The following DMRT2 variants were observed in gnomAD, a reference collection of about 807,000 sequenced individuals.
The protein encoded by DMRT2 is doublesex and mab-3 related transcription factor 2.
Under a neutral mutation model 43.5 loss-of-function variants are expected in DMRT2, and 33 were observed. The observed-to-expected ratio is 0.76, with a 90% CI of 0.58 to 1.01. The LOEUF (loss-of-function observed/expected upper bound fraction) is 1.01, where lower values mean the gene tolerates loss of function less well. DMRT2 is among the 50% of genes least tolerant of loss of function. The pLI is 0.00. For synonymous variants in DMRT2, 395 were observed against 309.2 expected (o/e 1.28, Z -2.91); for missense variants, 1,064 against 748.0 (o/e 1.42, Z -4.93).
In DMRT2 at chr9:1,052,102, C is replaced by T; in HGVS notation, c.489C>T (p.Ala163=). 1 of 1,437,786 alleles carries T rather than the reference C, an allele frequency of 7.0e-7. No individual in the cohort carries two copies. The highest frequency in any genetic ancestry group is 9.1e-7 in the Non-Finnish European group (1 of 1,102,200). 89.1% of individuals were successfully genotyped at this position (1,437,786 alleles called of 1,614,324 possible). A position where few individuals can be genotyped will look rare whatever the true frequency, so the allele number is the denominator to read the frequency against. The part of the protein sequence containing the change: ...LLVVERQRVM[A]AQVALRRQQA... ...TGGTGGAGCGGCAGCGCGTCATGGC[C>T]GCCCAGGTGGCGCTCCGGAGGCAGC... The change falls in exon 2 of 4, where the codon GCC becomes GCT. Residue 163 remains alanine, a synonymous_variant. Transcript: ENST00000358146.
rs1821565116 is a variant in DMRT2 at position 1,051,424 on chromosome 9, G to T, written c.-44-146G>T. On this transcript the variant is annotated intron_variant, in intron 1 of 3. Coordinates refer to ENST00000358146, the MANE Select transcript of DMRT2 (RefSeq NM_181872.6). The surrounding 1 kb of genome is among the most constrained non-coding windows in gnomAD (Gnocchi z 5.9). ...GGCCCTGGAGATACAGGAAAGGCACGTGTGGCCTGGAAGTGAGGGACATGT... is the reference window on the plus strand; with the variant it reads ...GGCCCTGGAGATACAGGAAAGGCACTTGTGGCCTGGAAGTGAGGGACATGT... The T allele has an allele frequency of 1.1e-6, 1 of 913,816 alleles. No homozygotes were observed. The highest frequency in any genetic ancestry group is 1.5e-6 in the Non-Finnish European group (1 of 665,652). The allele number at this position is 913,816 out of a possible 1,614,324, so 56.6% of individuals were successfully genotyped here. A position where few individuals can be genotyped will look rare whatever the true frequency, so the allele number is the denominator to read the frequency against.
At chr9:1,056,177 A>G (rs1352431143) in intron 3 of DMRT2, 39 bp from the exon 4 acceptor site, 9 of 1,556,916 alleles carry the variant, frequency 5.8e-6, no homozygotes, top group Non-Finnish European at 7.8e-6. Flanking sequence ...TATTCCGTAG[A>G]TGTTAATCTC....
In DMRT2 at chr9:1,051,849, A is replaced by T; in HGVS notation, c.236A>T (p.Glu79Val). Reference sequence around the variant, plus strand: ...TCCCCCGGGATGCCCGGCCAGCCGGAGCAGCGGGGGGGACCGCAGCCGAGG... The same window carrying T: ...TCCCCCGGGATGCCCGGCCAGCCGGTGCAGCGGGGGGGACCGCAGCCGAGG... ...GASPGMPGQP[E>V]QRGGPQPRPP... The change falls in exon 2 of 4, where the codon GAG (glutamate) becomes GTG (valine). Residue 79 changes from glutamate (E) to valine (V), a missense_variant. Glu to Val is a moderately radical substitution (Grantham distance 121). Transcript: ENST00000358146. The surrounding 1 kb of genome is among the most constrained non-coding windows in gnomAD (Gnocchi z 5.9). The T allele has an allele frequency of 1.4e-6, 2 of 1,421,246 alleles. No individual in the cohort carries two copies. The highest frequency in any genetic ancestry group is 1.8e-6 in the Non-Finnish European group (2 of 1,096,684). 88.0% of individuals were successfully genotyped at this position (1,421,246 alleles called of 1,614,324 possible).
Position 1,051,430 on chromosome 9 carries a change from C to T in DMRT2, c.-44-140C>T. ...GGAGATACAGGAAAGGCACGTGTGG[C>T]CTGGAAGTGAGGGACATGTAATGAG... On this transcript the variant is annotated intron_variant, in intron 1 of 3. Transcript: ENST00000358146. The surrounding 1 kb of genome is among the most constrained non-coding windows in gnomAD (Gnocchi z 5.9). 1.0e-6 allele frequency: 1 copy of T among 987,900 alleles called. No individual in the cohort carries two copies. Among genetic ancestry groups the T allele is most frequent in the South Asian group, 2.3e-5 (1 of 44,400 alleles). 61.2% of individuals were successfully genotyped at this position (987,900 alleles called of 1,614,324 possible). A position where few individuals can be genotyped will look rare whatever the true frequency, so the allele number is the denominator to read the frequency against.
At position 1,056,510 on chromosome 9, in the gene DMRT2, A is replaced by G; in HGVS notation, c.923A>G (p.Asp308Gly). 1 of 1,614,188 alleles carries G rather than the reference A, an allele frequency of 6.2e-7. No homozygotes were observed. The highest frequency in any genetic ancestry group is 8.5e-7 in the Non-Finnish European group (1 of 1,180,028). ...TGTAATTTTTTGCCCACCTGCCTTGATTTAACCATGCAGTATTCAGGGTCT... is the reference window on the plus strand; with the variant it reads ...TGTAATTTTTTGCCCACCTGCCTTGGTTTAACCATGCAGTATTCAGGGTCT... ...DFCNFLPTCLDLTMQYSGSGN... is the reference protein window; with the variant it reads ...DFCNFLPTCLGLTMQYSGSGN... The change falls in exon 4 of 4, where the codon GAT becomes GGT. Residue 308 changes from aspartate to glycine, a missense_variant. Asp to Gly is a moderately conservative substitution (Grantham distance 94). Coordinates refer to ENST00000358146, the MANE Select transcript of DMRT2 (RefSeq NM_181872.6).
chr9:1,051,851 C>T lies in DMRT2; in HGVS notation c.238C>T (p.Gln80Ter). Residue 80 changes from glutamine (Q) to a stop codon, truncating the protein, a stop_gained, in exon 2 of 4, where the codon CAG (glutamine) becomes TAG (stop). Coordinates refer to ENST00000358146, the MANE Select transcript of DMRT2 (RefSeq NM_181872.6). LOFTEE classifies it high-confidence loss of function. The surrounding 1 kb of genome is among the most constrained non-coding windows in gnomAD (Gnocchi z 5.9). Reference sequence around the variant, plus strand: ...CCCCGGGATGCCCGGCCAGCCGGAGCAGCGGGGGGGACCGCAGCCGAGGCC... The same window carrying T: ...CCCCGGGATGCCCGGCCAGCCGGAGTAGCGGGGGGGACCGCAGCCGAGGCC... ...ASPGMPGQPE[Q>*]RGGPQPRPPL... 7.1e-7 allele frequency: 1 copy of T among 1,414,048 alleles called. No homozygotes were observed. Among genetic ancestry groups the T allele is most frequent in the Non-Finnish European group, 9.1e-7 (1 of 1,093,982 alleles). The allele number at this position is 1,414,048 out of a possible 1,614,324, so 87.6% of individuals were successfully genotyped here.
intron 2 of DMRT2, chr9:1,052,913 CT>C: frequency 6.6e-6 from 1 of 152,490 alleles, no homozygotes; most frequent in African/African-American, 2.4e-5. Flanking sequence ...TTCAATTTTA[CT>C]TTTTGGCGGA....
chr9:1,054,686 A>T (rs1031731947), intron 3 of DMRT2: 3 of 149,744 alleles, frequency 2.0e-5, no homozygotes, highest in African/African-American at 7.3e-5. Context: ...TCAATAATAT[A>T]TTGACTATTT....
At chr9:1,054,150 G>C (rs1423934326) in intron 3 of DMRT2, among the ~76,000 whole-genome samples, 1 of 152,188 alleles carries the variant, frequency 6.6e-6, no homozygotes, top group Non-Finnish European at 1.5e-5. Context: ...TGGTTAATCG[G>C]TTAATGTGGA....
intron 2 of DMRT2, 115 bp from the exon 3 acceptor site, chr9:1,053,607 T>C: frequency 5.5e-6 from 5 of 907,684 alleles, no homozygotes; most frequent in Non-Finnish European, 8.4e-6. Flanking sequence ...ATGGGAAAAT[T>C]CAATACATTT....
rs1026396885 is a variant in DMRT2 at position 1,055,933 on chromosome 9, G to A, written c.629-283G>A. On this transcript the variant is annotated intron_variant, in intron 3 of 3. Transcript: ENST00000358146. ...GAATATTAAAATTTTAATCAATAAAGTATGTCTGTTGAAGCAAGCAAGCAA... is the reference window on the plus strand; with the variant it reads ...GAATATTAAAATTTTAATCAATAAAATATGTCTGTTGAAGCAAGCAAGCAA... 8 of 1,410,006 alleles carry A rather than the reference G, an allele frequency of 5.7e-6. No homozygotes were observed. The East Asian group carries it at 1.1e-4, about 19-fold the overall frequency. 87.3% of individuals were successfully genotyped at this position (1,410,006 alleles called of 1,614,324 possible).
rs994917649 is a variant in DMRT2, at chr9:1,057,399, A to T, written c.*126A>T. On this transcript the variant is annotated 3_prime_UTR_variant, in exon 4 of 4. Transcript: ENST00000358146. ...TAATGTAAAGATGATGATTTTGAAA[A>T]ATTTTATATATTCCTAATATGCATG... The T allele has an allele frequency of 1.9e-6, 2 of 1,050,522 alleles. No individual in the cohort carries two copies. Among genetic ancestry groups the T allele is most frequent in the South Asian group, 3.6e-5 (2 of 55,458 alleles). 65.1% of individuals were successfully genotyped at this position (1,050,522 alleles called of 1,614,324 possible). A position where few individuals can be genotyped will look rare whatever the true frequency, so the allele number is the denominator to read the frequency against.
Position 1,052,180 on chromosome 9 carries a change from G to A in DMRT2, c.525+42G>A, listed in dbSNP as rs1390895165. ...CCCGGGCGTCTCAGGCCACAGTGGAGGTGGGGGAGTTGGAGGGGAGCGGGG... is the reference window on the plus strand; with the variant it reads ...CCCGGGCGTCTCAGGCCACAGTGGAAGTGGGGGAGTTGGAGGGGAGCGGGG... On this transcript the variant is annotated intron_variant, in intron 2 of 3. Transcript: ENST00000358146. 8 of 1,310,556 alleles carry A rather than the reference G, an allele frequency of 6.1e-6. No individual in the cohort carries two copies. The African/African-American group carries it at 7.7e-5, about 13-fold the overall frequency. The allele number at this position is 1,310,556 out of a possible 1,614,324, so 81.2% of individuals were successfully genotyped here.
chr9:1,053,792 C>T lies in DMRT2; in HGVS notation c.596C>T (p.Ala199Val), dbSNP rs1221362531. 1 of 1,613,804 alleles carries T rather than the reference C, an allele frequency of 6.2e-7. No homozygotes were observed. Among genetic ancestry groups the T allele is most frequent in the Admixed American group, 1.7e-5 (1 of 59,946 alleles). Residue 199 changes from alanine (A) to valine (V), a missense_variant, in exon 3 of 4, where the codon GCC becomes GTC. Coordinates refer to ENST00000358146, the MANE Select transcript of DMRT2 (RefSeq NM_181872.6). ...RKAVYQRQVR[A>V]PSLLAKSILE... ...GCTGTGTACCAGAGGCAAGTCAGAG[C>T]CCCCAGTTTGCTGGCCAAAAGCATT...
chr9:1,055,133 A>G (rs1311472332), intron 3 of DMRT2, among the ~76,000 whole-genome samples: 1 of 152,240 alleles, frequency 6.6e-6, no homozygotes, highest in African/African-American at 2.4e-5. Context: ...GACTAAATGG[A>G]ATAGTAAATT....
rs765548746 is a variant in DMRT2, at chr9:1,056,806, A to C, written c.1219A>C (p.Thr407Pro). ...KLEGSLVLPH[T>P]PEIQTTRSDL... ...GGAAGGTTCCCTGGTGCTGCCTCAC[A>C]CTCCTGAGATCCAGACCACGAGAAG... Residue 407 changes from threonine to proline, a missense_variant, in exon 4 of 4, where the codon ACT becomes CCT. Coordinates refer to ENST00000358146, the MANE Select transcript of DMRT2 (RefSeq NM_181872.6). 1 of 1,613,548 alleles carries C rather than the reference A, an allele frequency of 6.2e-7. No homozygotes were observed. Among genetic ancestry groups the C allele is most frequent in the Non-Finnish European group, 8.5e-7 (1 of 1,179,950 alleles).
chr9:1,056,171 C>A, intron 3 of DMRT2, 45 bp from the exon 4 acceptor site: 1 of 1,548,658 alleles, frequency 6.5e-7, no homozygotes. Flanking sequence ...CATTTTTATT[C>A]CGTAGATGTT....
Position 1,056,543 on chromosome 9 carries a change from T to C in DMRT2, c.956T>C (p.Met319Thr). Residue 319 changes from methionine to threonine, a missense_variant, in exon 4 of 4, where the codon ATG becomes ACG. Transcript: ENST00000358146. ...LTMQYSGSGN[M>T]ELISSNVSVA... ...ATGCAGTATTCAGGGTCTGGGAATATGGAACTAATTTCTTCTAATGTCAGC... is the reference window on the plus strand; with the variant it reads ...ATGCAGTATTCAGGGTCTGGGAATACGGAACTAATTTCTTCTAATGTCAGC... 1.2e-6 allele frequency: 2 copies of C among 1,614,224 alleles called. No individual in the cohort carries two copies. The highest frequency in any genetic ancestry group is 2.2e-5 in the South Asian group (2 of 91,080).
rs936818578 is a variant in DMRT2, at chr9:1,051,784, A to G, written c.171A>G (p.Glu57=). Residue 57 remains glutamate (E), a synonymous_variant, in exon 2 of 4, where the codon GAA becomes GAG. Transcript: ENST00000358146. This position sits in a 1 kb window ranked among gnomAD's most constrained non-coding sequence, Gnocchi z 5.9. ...EDDEDDDGVD[E]DAEEEGDGEE... is the part of the protein sequence containing the mutation. ...ACGAAGATGACGACGGGGTGGACGA[A>G]GACGCGGAAGAAGAGGGCGACGGCG... 1 of 1,513,620 alleles carries G rather than the reference A, an allele frequency of 6.6e-7. No homozygotes were observed. Among genetic ancestry groups the G allele is most frequent in the Non-Finnish European group, 8.8e-7 (1 of 1,133,936 alleles). 93.8% of individuals were successfully genotyped at this position (1,513,620 alleles called of 1,614,324 possible).
Sources: allele counts gnomAD v4.1 joint callset (sites outside exome capture counted in the v4.1 genomes callset), GRCh38; gene constraint gnomAD v4.1.1; non-coding constraint Gnocchi (gnomAD v3.1); transcripts MANE v1.5; gene names NCBI Gene and HGNC (gene_info 2026-07-23, HGNC 2026-07-21).